HNRNPA2B1: variants seen among roughly 807,000 people sequenced by gnomAD.
HNRNPA2B1 encodes heterogeneous nuclear ribonucleoprotein A2/B1, also known as heterogeneous nuclear ribonucleoproteins A2/B1.
HNRNPA2B1 carries 3 observed loss-of-function variants against 46.3 expected under a neutral mutation model. The ratio of observed to expected loss-of-function variants is 0.06; its 90% confidence interval spans 0.03 to 0.17. HNRNPA2B1 has a LOEUF of 0.17. Ranked by LOEUF, HNRNPA2B1 falls within the 10% of genes least tolerant of loss-of-function variation. The pLI, the probability that HNRNPA2B1 is intolerant of heterozygous loss-of-function variation, is 1.00. For synonymous variants in HNRNPA2B1, 225 were observed against 133.8 expected, an observed-to-expected ratio of 1.68 and a Z score of -4.70; for missense variants, 221 against 418.9, an observed-to-expected ratio of 0.53 and a Z score of 4.12.
intron 1 of HNRNPA2B1, chr7:26,199,502 TATA>T (rs1346984869): frequency 6.6e-6 from 1 of 152,248 alleles, no homozygotes; most frequent in African/African-American, 2.4e-5. Flanking sequence ...CGTAATCATC[TATA>T]AAGGTCCATG....
At chr7:26,196,377 A>G (rs1446694748) in intron 6 of HNRNPA2B1, 24 bp downstream of exon 6, 3 of 1,574,894 alleles carry the variant, frequency 1.9e-6, no homozygotes, top group South Asian at 1.1e-5. Context: ...CTCATCCTTT[A>G]AACACGTAGA....
chr7:26,196,899 G>C lies in HNRNPA2B1; in HGVS notation c.383C>G (p.Thr128Ser), dbSNP rs995116237. The C allele has an allele frequency of 9.3e-6, 15 of 1,613,636 alleles. No homozygotes were observed. Among genetic ancestry groups the C allele is most frequent in the Non-Finnish European group, 1.2e-5 (14 of 1,179,662 alleles). ...CTGCCTATCAGTAATTATCTCAATG[G>C]TATCAATTTTTCCATATTCCTCAAA... is the stretch of plus-strand genomic sequence containing the variant. ...DYFEEYGKID[T>S]IEIITDRQSG... The change falls in exon 4 of 11, where the codon ACC becomes AGC. Residue 128 changes from threonine (T) to serine (S), a missense_variant. By Grantham distance (58) the Thr-to-Ser change is moderately conservative (BLOSUM62 1). Around this residue, in one of 2 missense-constraint regions of HNRNPA2B1, gnomAD observed 78 missense variants for 218.5 expected, o/e 0.36. Coordinates refer to ENST00000618183, the MANE Select transcript of HNRNPA2B1 (RefSeq NM_002137.4).
rs1782718854 is a variant in HNRNPA2B1 at position 26,190,076 on chromosome 7, T to G, written c.*2284A>C. Reference sequence around the variant, plus strand: ...TGGTGATCTTTTAGACAACCAAATATTTATAGAACAAGATTCACACATTTT... The same window carrying G: ...TGGTGATCTTTTAGACAACCAAATAGTTATAGAACAAGATTCACACATTTT... On this transcript the variant is annotated 3_prime_UTR_variant, in exon 11 of 11. Coordinates refer to ENST00000618183, the MANE Select transcript of HNRNPA2B1 (RefSeq NM_002137.4). The G allele has an allele frequency of 6.6e-6, 1 of 152,606 alleles. No homozygotes were observed. The highest frequency in any genetic ancestry group is 1.5e-5 in the Non-Finnish European group (1 of 68,026). The allele number at this position is 152,606 out of a possible 1,614,324, so 9.5% of individuals were successfully genotyped here.
chr7:26,196,707 G>C (rs201550338), intron 4 of HNRNPA2B1, 49 bp from the exon 5 acceptor site: 1 of 1,572,584 alleles, frequency 6.4e-7, no homozygotes, highest in Non-Finnish European at 8.7e-7. Flanking sequence ...ACAATATTAA[G>C]CAGCTTCAAA....
chr7:26,194,276 G>C (rs1783248533), intron 7 of HNRNPA2B1, among the ~76,000 whole-genome samples: 1 of 152,048 alleles, frequency 6.6e-6, no homozygotes, highest in Non-Finnish European at 1.5e-5. Context: ...GCAACCTGTA[G>C]TACTAGCTAC....
intron 7 of HNRNPA2B1, among the ~76,000 whole-genome samples, chr7:26,194,889 T>C (rs1783354218): frequency 6.7e-6 from 1 of 148,792 alleles, no homozygotes; most frequent in South Asian, 2.1e-4. Flanking sequence ...AGGTCAGGAG[T>C]TCAAGACCAG....
Position 26,192,228 on chromosome 7 carries a change from G to A in HNRNPA2B1, c.*132C>T. ...CTCTGGTGTCTTCTGCCATATCACT[G>A]CATATTTATGCATGACTGAGATAAG... On this transcript the variant is annotated 3_prime_UTR_variant, in exon 11 of 11. Coordinates refer to ENST00000618183, the MANE Select transcript of HNRNPA2B1 (RefSeq NM_002137.4). The A allele has an allele frequency of 2.9e-6, 1 of 342,690 alleles. No individual in the cohort carries two copies. The highest frequency in any genetic ancestry group is 5.4e-6 in the Non-Finnish European group (1 of 185,492). The allele number at this position is 342,690 out of a possible 1,614,324, so 21.2% of individuals were successfully genotyped here.
At chr7:26,197,096 T>A in intron 3 of HNRNPA2B1, 79 bp from the exon 4 acceptor site, 1 of 1,214,454 alleles carries the variant, frequency 8.2e-7, no homozygotes, top group East Asian at 2.3e-5. Flanking sequence ...CGTAGTACCA[T>A]ACTTCGCTTG....
chr7:26,197,041 T>G (rs748510723), intron 3 of HNRNPA2B1, 24 bp from the exon 4 acceptor site: 6 of 1,564,500 alleles, frequency 3.8e-6, no homozygotes, highest in Non-Finnish European at 4.4e-6. Context: ...GGGGTAAAAG[T>G]CATCCAAACA....
intron 1 of HNRNPA2B1, chr7:26,198,857 C>T (rs1783998153): frequency 6.6e-6 from 1 of 152,244 alleles, no homozygotes; most frequent in African/African-American, 2.4e-5. Context: ...TTGCTGCTCT[C>T]ATCCCAGTTC....
At chr7:26,193,956 T>C (rs1438766631) in intron 7 of HNRNPA2B1, among the ~76,000 whole-genome samples, 2 of 152,228 alleles carry the variant, frequency 1.3e-5, no homozygotes, top group Admixed American at 1.3e-4. Context: ...ATCTTAAGTA[T>C]CTTGAAATAC....
intron 1 of HNRNPA2B1, chr7:26,197,933 C>CGGTG: frequency 8.8e-7 from 1 of 1,131,112 alleles, no homozygotes; most frequent in Non-Finnish European, 1.2e-6. Context: ...AGTTGTGTTA[C>CGGTG]ACCAAAAAAT....
At chr7:26,200,093 A>G in intron 1 of HNRNPA2B1, 1 of 177,826 alleles carries the variant, frequency 5.6e-6, no homozygotes, top group East Asian at 1.6e-4. Flanking sequence ...AGAAAATAAA[A>G]GAGTTATAAG....
chr7:26,192,151 G>A lies in HNRNPA2B1; in HGVS notation c.*209C>T, dbSNP rs1427806761. The A allele has an allele frequency of 1.7e-5, 3 of 178,362 alleles. No individual in the cohort carries two copies. Among genetic ancestry groups the A allele is most frequent in the Non-Finnish European group, 3.6e-5 (3 of 84,090 alleles). 11.0% of individuals were successfully genotyped at this position (178,362 alleles called of 1,614,324 possible). On this transcript the variant is annotated 3_prime_UTR_variant, in exon 11 of 11. Transcript: ENST00000618183. ...TTTTACAATCCTTCCTCCACAGTAA[G>A]GTAATGTTATTAAATAATCCAATCC...
At position 26,200,712 on chromosome 7, in the gene HNRNPA2B1, AGCACCTCCGCACGGGACCCG is replaced by A; in HGVS notation, c.-155_-136del. The A allele has an allele frequency of 8.9e-7, 1 of 1,128,606 alleles. No homozygotes were observed. Among genetic ancestry groups the A allele is most frequent in the East Asian group, 2.3e-5 (1 of 42,644 alleles). 69.9% of individuals were successfully genotyped at this position (1,128,606 alleles called of 1,614,324 possible). A position where few individuals can be genotyped will look rare whatever the true frequency, so the allele number is the denominator to read the frequency against. On this transcript the variant is annotated 5_prime_UTR_variant, in exon 1 of 11. Coordinates refer to ENST00000618183, the MANE Select transcript of HNRNPA2B1 (RefSeq NM_002137.4). ...CTGCTCGAGAAACAACTCTGCGAGGAGCACCTCCGCACGGGACCCGGCGCTGCTGCTACTGCCGCTAGAGC... is the reference window on the plus strand; with the variant it reads ...CTGCTCGAGAAACAACTCTGCGAGGAGCGCTGCTGCTACTGCCGCTAGAGC...
chr7:26,197,767 C>T lies in HNRNPA2B1; in HGVS notation c.7-35G>A, dbSNP rs779291245. On this transcript the variant is annotated intron_variant, in intron 1 of 10. Coordinates refer to ENST00000618183, the MANE Select transcript of HNRNPA2B1 (RefSeq NM_002137.4). ...AAAATACCATTTCAATTTTTATTTA[C>T]ATTTTCCTCTTTGTATGCAGGAAAT... 8 of 1,597,914 alleles carry T rather than the reference C, an allele frequency of 5.0e-6. No individual in the cohort carries two copies. The Admixed American group carries it at 1.2e-4, about 24-fold the overall frequency.
intron 1 of HNRNPA2B1, chr7:26,197,936 C>T: frequency 2.0e-6 from 2 of 1,002,314 alleles, no homozygotes; most frequent in Non-Finnish European, 2.8e-6. Flanking sequence ...TGTGTTACAC[C>T]AAAAAATTGC....
intron 10 of HNRNPA2B1, 25 bp downstream of exon 10, chr7:26,192,470 A>G (rs752744674): frequency 3.4e-6 from 5 of 1,462,484 alleles, no homozygotes; most frequent in Non-Finnish European, 3.8e-6. Context: ...GATAATAATA[A>G]TTGTAAAACT....
At chr7:26,192,438 C>T in intron 10 of HNRNPA2B1, 57 bp downstream of exon 10, 2 of 1,156,124 alleles carry the variant, frequency 1.7e-6, no homozygotes, top group Non-Finnish European at 2.6e-6. Flanking sequence ...AAAGCTTTTA[C>T]TCCTGCAGCT....
Sources: gnomAD v4.1 joint callset for allele counts (sites outside exome capture counted in the v4.1 genomes callset) on GRCh38, gnomAD v4.1.1 for gene constraint, gnomAD v4.1.1 regional missense constraint, MANE v1.5 for transcripts, NCBI Gene and HGNC (gene_info 2026-07-23, HGNC 2026-07-21) for gene names.